SMC2: variants seen among roughly 807,000 people sequenced by gnomAD.
SMC2 encodes structural maintenance of chromosomes protein 2.
SMC2 carries 41 observed loss-of-function variants against 142.6 expected under a neutral mutation model. The ratio of observed to expected loss-of-function variants is 0.29; its 90% CI spans 0.22 to 0.37. The LOEUF (loss-of-function observed/expected upper bound fraction) is 0.37, where lower values mean the gene tolerates loss of function less well. Ranked by LOEUF, SMC2 falls within the 10% of genes least tolerant of loss-of-function variation. SMC2 has a pLI of 1.00. For missense variants in SMC2, 1,265 were observed against 1,373.7 expected (o/e 0.92, Z 1.25); for synonymous variants, 463 against 457.5 (o/e 1.01, Z -0.15).
chr9:104,134,256 A>G (rs550342818), intron 22 of SMC2, among the ~76,000 whole-genome samples, 159 bp from the exon 23 acceptor site: 1 of 152,298 alleles, frequency 6.6e-6, no homozygotes, highest in South Asian at 2.1e-4. Flanking sequence ...TTGTAAATGA[A>G]TGAGCATATC....
At chr9:104,089,850 T>G (rs114863491), upstream of SMC2, among the ~76,000 whole-genome samples, 603 of 152,240 alleles carry the variant, frequency 4.0e-3, 8 homozygotes, top group African/African-American at 0.014. Flanking sequence ...TTCGCCATGT[T>G]GGAACCAGGA....
intron 23 of SMC2, among the ~76,000 whole-genome samples, chr9:104,137,326 A>G (rs1242808170): frequency 6.6e-6 from 1 of 152,168 alleles, no homozygotes; most frequent in East Asian, 1.9e-4. Context: ...TTTGTAAAGA[A>G]AAAATATAAT....
chr9:104,120,493 A>G (rs1362872507), intron 16 of SMC2, among the ~76,000 whole-genome samples: 2 of 152,214 alleles, frequency 1.3e-5, no homozygotes, highest in Non-Finnish European at 2.9e-5. Flanking sequence ...CTGATACCAG[A>G]GGATACTTGA....
intron 15 of SMC2, among the ~76,000 whole-genome samples, chr9:104,119,322 T>G (rs569520298): frequency 6.6e-5 from 10 of 152,358 alleles, no homozygotes; most frequent in South Asian, 6.2e-4. Context: ...TAACCCCGTA[T>G]TTTAATTACA....
At chr9:104,089,759 G>A (rs527351305), upstream of SMC2, among the ~76,000 whole-genome samples, 93 of 151,944 alleles carry the variant, frequency 6.1e-4, no homozygotes, top group Middle Eastern at 6.8e-3. Flanking sequence ...AGCGATTCTC[G>A]TGCCTCAGCC....
chr9:104,111,454 TG>T, intron 9 of SMC2, 126 bp from the exon 10 acceptor site: 1 of 595,794 alleles, frequency 1.7e-6, no homozygotes, highest in East Asian at 2.8e-5. Flanking sequence ...AAAGTTATGA[TG>T]GTTAAATTAT....
At chr9:104,108,500 G>A (rs765223847) in intron 9 of SMC2, among the ~76,000 whole-genome samples, 6 of 152,138 alleles carry the variant, frequency 3.9e-5, no homozygotes, top group Non-Finnish European at 8.8e-5. Flanking sequence ...CTCAGGCACT[G>A]TCTGAGAACC....
chr9:104,106,298 T>TCCACA (rs1182616522), intron 9 of SMC2, among the ~76,000 whole-genome samples: 4 of 152,202 alleles, frequency 2.6e-5, no homozygotes, highest in Non-Finnish European at 4.4e-5. Flanking sequence ...CTTTCAAGGG[T>TCCACA]AGCATCAGGG....
chr9:104,130,237 TG>T (rs1234388350), intron 21 of SMC2, among the ~76,000 whole-genome samples: 1 of 152,222 alleles, frequency 6.6e-6, no homozygotes, highest in Admixed American at 6.5e-5. Flanking sequence ...ACTGTTTCAC[TG>T]ATCTGTAAAT....
rs750058411 is a variant in SMC2, at chr9:104,127,475, G to A, written c.2785G>A (p.Ala929Thr). Reference sequence around the variant, plus strand: ...TAAACGGGAGGCTGAAGATGGTGCTGCAAAGGTATACGTTTGTGTGCATTT... The same window carrying A: ...TAAACGGGAGGCTGAAGATGGTGCTACAAAGGTATACGTTTGTGTGCATTT... ...KHKREAEDGA[A>T]KVSKMLKDYD... Residue 929 changes from alanine to threonine, a missense_variant, in exon 20 of 25, where the codon GCA becomes ACA. This residue lies in a region of SMC2 where 898 missense variants were observed against 904.2 expected (regional missense o/e 0.99). Coordinates refer to ENST00000374793, the MANE Select transcript of SMC2 (RefSeq NM_006444.3). The A allele has an allele frequency of 3.7e-6, 6 of 1,603,198 alleles. No homozygotes were observed. The highest frequency in any genetic ancestry group is 5.1e-6 in the Non-Finnish European group (6 of 1,174,912).
intron 9 of SMC2, among the ~76,000 whole-genome samples, chr9:104,104,929 C>T (rs542153047): frequency 6.6e-6 from 1 of 152,324 alleles, no homozygotes; most frequent in South Asian, 2.1e-4. Context: ...GCCCAGGATC[C>T]TAGTAATCCA....
rs538385222 is a variant in SMC2, at chr9:104,118,754, C to G, written c.1996+379C>G. Reference sequence around the variant, plus strand: ...GCCACTAGCCATATGTGACTTTTTACATTTAATTAAGTTAAAAGTAATTTC... The same window carrying G: ...GCCACTAGCCATATGTGACTTTTTAGATTTAATTAAGTTAAAAGTAATTTC... On this transcript the variant is annotated intron_variant, in intron 15 of 24. Coordinates refer to ENST00000374793, the MANE Select transcript of SMC2 (RefSeq NM_006444.3). Among the ~76,000 whole-genome samples the G allele has an allele frequency of 1.1e-3, 172 of 152,270 alleles. 3 individuals carry two copies. Among genetic ancestry groups the G allele is most frequent in the Non-Finnish European group, 1.5e-3 (99 of 68,016 alleles).
At position 104,129,795 on chromosome 9, in the gene SMC2, A is replaced by C. The variant is rs1240723215; in HGVS notation, c.2941A>C (p.Arg981=). 1.2e-6 allele frequency: 2 copies of C among 1,613,860 alleles called. No individual in the cohort carries two copies. The highest frequency in any genetic ancestry group is 1.7e-6 in the Non-Finnish European group (2 of 1,179,938). ...GCAAGAAATGAAGGAGAAACTAGGA[A>C]GAAATGTCAATATGAGAGCTATGAA... ...KLQEMKEKLG[R]NVNMRAMNVL... is the part of the protein sequence containing the mutation. Residue 981 remains arginine, a synonymous_variant, in exon 21 of 25, where the codon AGA becomes CGA. Coordinates refer to ENST00000374793, the MANE Select transcript of SMC2 (RefSeq NM_006444.3).
At chr9:104,112,146 T>C (rs555672659) in intron 10 of SMC2, among the ~76,000 whole-genome samples, 1 of 152,348 alleles carries the variant, frequency 6.6e-6, no homozygotes, top group South Asian at 2.1e-4. Flanking sequence ...CTATTTTTAT[T>C]TTTTATTGAT....
rs763300920 is a variant in SMC2 at position 104,096,246 on chromosome 9, G to T, written c.267G>T (p.Lys89Asn). 6.2e-7 allele frequency: 1 copy of T among 1,614,176 alleles called. No homozygotes were observed. Among genetic ancestry groups the T allele is most frequent in the Middle Eastern group, 1.6e-4 (1 of 6,062 alleles). The change falls in exon 3 of 25, where the codon AAG (lysine) becomes AAT (asparagine). Residue 89 changes from lysine to asparagine, a missense_variant. By Grantham distance (94) the Lys-to-Asn change is moderately conservative. Around this residue, in one of 4 missense-constraint regions of SMC2, gnomAD observed 168 missense variants for 184.8 expected, o/e 0.91. Transcript: ENST00000374793. Reference protein sequence around the residue: ...VSITFDNSDKKQSPLGFEVHD... With the variant: ...VSITFDNSDKNQSPLGFEVHD... ...TCACTTTTGATAATTCTGACAAAAAGCAAAGTCCTTTAGGATTTGAGGTTC... is the reference window on the plus strand; with the variant it reads ...TCACTTTTGATAATTCTGACAAAAATCAAAGTCCTTTAGGATTTGAGGTTC...
intron 16 of SMC2, 87 bp from the exon 17 acceptor site, chr9:104,123,021 A>C: frequency 7.3e-7 from 1 of 1,370,260 alleles, no homozygotes; most frequent in South Asian, 1.4e-5. Context: ...ATGTGAGTTT[A>C]TTTAAGGTAA....
chr9:104,113,958 C>G lies in SMC2; in HGVS notation c.1415-6C>G, dbSNP rs138005731. 43 of 1,526,956 alleles carry G rather than the reference C, an allele frequency of 2.8e-5. No homozygotes were observed. The African/African-American group carries it at 5.5e-4, about 19-fold the overall frequency. The allele number at this position is 1,526,956 out of a possible 1,614,324, so 94.6% of individuals were successfully genotyped here. A position where few individuals can be genotyped will look rare whatever the true frequency, so the allele number is the denominator to read the frequency against. ...TGGTTTTAATTTATTATGATTTATCCTTCAGAAAATAAAGAGGAAAGCCTT... is the reference window on the plus strand; with the variant it reads ...TGGTTTTAATTTATTATGATTTATCGTTCAGAAAATAAAGAGGAAAGCCTT... On this transcript the variant is annotated splice_polypyrimidine_tract_variant and splice_region_variant and intron_variant, in intron 11 of 24. Coordinates refer to ENST00000374793, the MANE Select transcript of SMC2 (RefSeq NM_006444.3).
At chr9:104,096,726 C>G (rs899051913) in intron 3 of SMC2, among the ~76,000 whole-genome samples, 26 of 152,280 alleles carry the variant, frequency 1.7e-4, no homozygotes, top group African/African-American at 6.3e-4. Context: ...TTGAGAGCAC[C>G]AAGAGCAAAT....
At position 104,102,064 on chromosome 9, in the gene SMC2, A is replaced by C. The variant is rs1391917579; in HGVS notation, c.741A>C (p.Val247=). Residue 247 remains valine, a synonymous_variant, in exon 8 of 25, where the codon GTA becomes GTC. Coordinates refer to ENST00000374793, the MANE Select transcript of SMC2 (RefSeq NM_006444.3). The stretch of plus-strand genomic sequence containing the variant: ...TTTTGCTGGCTGAAGATACCAAAGT[A>C]CGCTCAGCTGAGGAATTAAAAGAAA... ...YQFLLAEDTK[V]RSAEELKEMQ... is the part of the protein sequence containing the mutation. The C allele has an allele frequency of 2.5e-6, 4 of 1,611,290 alleles. No individual in the cohort carries two copies. In the African/African-American group the frequency reaches 5.3e-5, roughly 22 times the overall value.
Sources: gnomAD v4.1 joint callset for allele counts (sites outside exome capture counted in the v4.1 genomes callset) on GRCh38, gnomAD v4.1.1 for gene constraint, gnomAD v4.1.1 regional missense constraint, MANE v1.5 for transcripts, NCBI Gene and HGNC (gene_info 2026-07-23, HGNC 2026-07-21) for gene names.